FHIT: variants seen among roughly 807,000 people sequenced by gnomAD.
FHIT encodes the protein bis(5'-adenosyl)-triphosphatase.
Under a neutral mutation model 17.9 loss-of-function variants are expected in FHIT, and 19 were observed. That is an observed-to-expected ratio of 1.06 (90% confidence interval 0.74 to 1.56). The LOEUF is 1.56. Ranked by LOEUF, FHIT falls within the 40% of genes most tolerant of loss-of-function variation. The pLI, the probability that FHIT is intolerant of heterozygous loss-of-function variation, is 0.00. For synonymous variants in FHIT, 81 were observed against 69.7 expected (o/e 1.16, Z -0.81); for missense variants, 248 against 189.2 (o/e 1.31, Z -1.82).
At chr3:59,787,302 C>T (rs1377551657) in intron 8 of FHIT, among the ~76,000 whole-genome samples, 1 of 152,124 alleles carries the variant, frequency 6.6e-6, no homozygotes, top group African/African-American at 2.4e-5. Flanking sequence ...CTAAAGCCAG[C>T]ATTTTTCTCT....
At chr3:60,696,361 C>T (rs1307178877) in intron 4 of FHIT, among the ~76,000 whole-genome samples, 1 of 152,090 alleles carries the variant, frequency 6.6e-6, no homozygotes, top group Non-Finnish European at 1.5e-5. Context: ...TCAGGGTAAA[C>T]AAAAATCTCA....
At chr3:60,107,672 A>C (rs1247166472) in intron 5 of FHIT, among the ~76,000 whole-genome samples, 1 of 152,194 alleles carries the variant, frequency 6.6e-6, no homozygotes, top group African/African-American at 2.4e-5. Context: ...GTTTTCCTTT[A>C]ATATAGGCAT....
At chr3:59,765,785 C>A (rs1033931566) in intron 8 of FHIT, among the ~76,000 whole-genome samples, 12 of 152,240 alleles carry the variant, frequency 7.9e-5, no homozygotes, top group African/African-American at 2.9e-4. Flanking sequence ...TGAGAATGTT[C>A]AAAGAAACTC....
At chr3:60,509,656 T>C (rs977276190) in intron 5 of FHIT, among the ~76,000 whole-genome samples, 2 of 152,206 alleles carry the variant, frequency 1.3e-5, no homozygotes, top group Non-Finnish European at 2.9e-5. Context: ...TTGGAAAGCA[T>C]GTCCACTTTA....
intron 5 of FHIT, 42 bp downstream of exon 5, chr3:60,536,818 A>G (rs763222730): frequency 6.4e-7 from 1 of 1,563,440 alleles, no homozygotes; most frequent in Non-Finnish European, 8.6e-7. Context: ...TAGGCTCAGA[A>G]GACTTTTATT....
chr3:60,239,995 C>A (rs1271887374), intron 5 of FHIT, among the ~76,000 whole-genome samples: 3 of 152,066 alleles, frequency 2.0e-5, no homozygotes, highest in Non-Finnish European at 4.4e-5. Flanking sequence ...AATGACAGAG[C>A]AAATTCACAG....
chr3:60,450,407 T>C (rs1157435893), intron 5 of FHIT, among the ~76,000 whole-genome samples: 1 of 152,192 alleles, frequency 6.6e-6, no homozygotes, highest in East Asian at 1.9e-4. Flanking sequence ...AATATGTATA[T>C]ATATCTCTAA....
chr3:60,972,718 C>T (rs556926440), intron 3 of FHIT, among the ~76,000 whole-genome samples: 1 of 152,204 alleles, frequency 6.6e-6, no homozygotes, highest in Admixed American at 6.5e-5. Flanking sequence ...TTTACACTAA[C>T]CAATATGTCT....
chr3:60,422,201 C>A (rs948549713), intron 5 of FHIT, among the ~76,000 whole-genome samples: 1 of 152,072 alleles, frequency 6.6e-6, no homozygotes, highest in African/African-American at 2.4e-5. Flanking sequence ...TATCGTATGT[C>A]CCAAAGTCCA....
At chr3:60,362,033 G>A (rs1457574201) in intron 5 of FHIT, among the ~76,000 whole-genome samples, 1 of 151,452 alleles carries the variant, frequency 6.6e-6, no homozygotes, top group African/African-American at 2.4e-5. Context: ...TTCTGCCATG[G>A]GTGTCACCAA....
intron 1 of FHIT, among the ~76,000 whole-genome samples, chr3:61,206,978 T>G (rs2039258795): frequency 1.3e-5 from 2 of 152,206 alleles, no homozygotes; most frequent in African/African-American, 4.8e-5. Flanking sequence ...CTCTTATTAT[T>G]TTGAGATATG....
At chr3:60,723,205 G>A (rs1465991617) in intron 4 of FHIT, among the ~76,000 whole-genome samples, 3 of 152,118 alleles carry the variant, frequency 2.0e-5, no homozygotes, top group Non-Finnish European at 4.4e-5. Context: ...TAGGCTTGTT[G>A]CATATAATAC....
intron 5 of FHIT, among the ~76,000 whole-genome samples, chr3:60,233,317 C>A (rs555818335): frequency 1.3e-5 from 2 of 152,090 alleles, no homozygotes; most frequent in African/African-American, 4.8e-5. Flanking sequence ...CCATTAACTG[C>A]CAAACAGCTG....
intron 4 of FHIT, among the ~76,000 whole-genome samples, chr3:60,609,292 C>T (rs2038706381): frequency 6.6e-6 from 1 of 151,882 alleles, no homozygotes; most frequent in Non-Finnish European, 1.5e-5. Flanking sequence ...CTGCCTATTC[C>T]CTTCTGCACA....
At chr3:60,195,546 G>GATATATATATATATATATATAT (rs1223456537) in intron 5 of FHIT, among the ~76,000 whole-genome samples, 1 of 18,888 alleles carries the variant, frequency 5.3e-5, no homozygotes, top group Non-Finnish European at 8.2e-5. Flanking sequence ...AGGAAAATGT[G>GATATATATATATATATATATAT]ATATATATAT....
At chr3:60,622,967 C>G (rs1179261261) in intron 4 of FHIT, among the ~76,000 whole-genome samples, 1 of 152,190 alleles carries the variant, frequency 6.6e-6, no homozygotes, top group Non-Finnish European at 1.5e-5. Flanking sequence ...TTCATGACTT[C>G]AAGATGCTGC....
At chr3:60,707,027 T>C (rs1162093525) in intron 4 of FHIT, among the ~76,000 whole-genome samples, 12 of 152,246 alleles carry the variant, frequency 7.9e-5, no homozygotes, top group Admixed American at 7.9e-4. Context: ...TGCCTTCTGA[T>C]TCTTTTCACA....
chr3:60,642,043 G>C (rs2039737584), intron 4 of FHIT, among the ~76,000 whole-genome samples: 1 of 152,028 alleles, frequency 6.6e-6, no homozygotes, highest in Non-Finnish European at 1.5e-5. Flanking sequence ...AGCCTTGAAG[G>C]GACACAGACC....
At chr3:60,917,671 A>T (rs1553767372) in intron 3 of FHIT, among the ~76,000 whole-genome samples, 1 of 152,222 alleles carries the variant, frequency 6.6e-6, no homozygotes. Context: ...TTATTCAGGT[A>T]TGTCCTCAAA....
Sources: allele counts gnomAD v4.1 joint callset (sites outside exome capture counted in the v4.1 genomes callset), GRCh38; gene constraint gnomAD v4.1.1; transcripts MANE v1.5; gene names NCBI Gene and HGNC (gene_info 2026-07-23, HGNC 2026-07-21).